Variants in RABGAP1 observed in about 807,000 individuals in gnomAD.
RABGAP1 encodes RAB GTPase activating protein 1.
Under a neutral mutation model 137.6 loss-of-function variants are expected in RABGAP1, and 23 were observed. That is an observed-to-expected ratio of 0.17 (90% confidence interval 0.12 to 0.24). RABGAP1 has a LOEUF of 0.24. RABGAP1 is among the 10% of genes least tolerant of loss of function. The pLI is 1.00. For synonymous variants in RABGAP1, 451 were observed against 450.7 expected (o/e 1.00, Z -0.01); for missense variants, 906 against 1,275.8 (o/e 0.71, Z 4.42).
At position 122,941,711 on chromosome 9, in the gene RABGAP1, G is replaced by C. The variant is rs117113554; in HGVS notation, c.-50+618G>C. ...GCAGCTACCCCAGTACCTCATCGCT[G>C]TGTCTTTTGATTATCCGCACCCTTA... On this transcript the variant is annotated intron_variant, in intron 1 of 25. Transcript: ENST00000373647. Among the ~76,000 whole-genome samples the C allele has an allele frequency of 1.6e-3, 247 of 152,344 alleles. 9 individuals carry two copies. The East Asian group carries it at 0.046, about 28-fold the overall frequency.
At chr9:123,013,876 T>G (rs536180409) in intron 11 of RABGAP1, among the ~76,000 whole-genome samples, 1 of 152,290 alleles carries the variant, frequency 6.6e-6, no homozygotes, top group South Asian at 2.1e-4. Context: ...AAACTTTGTT[T>G]AGGCAAGTTA....
At chr9:122,934,320 C>T in the RABGAP1 span, among the ~76,000 whole-genome samples, 664 of 152,018 alleles carry the variant, frequency 4.4e-3, 2 homozygotes, top group Non-Finnish European at 7.0e-3. Context: ...CCTCATGATC[C>T]GCCCACCTCA....
At chr9:123,038,634 T>A (rs1027876634) in intron 13 of RABGAP1, among the ~76,000 whole-genome samples, 2 of 152,128 alleles carry the variant, frequency 1.3e-5, no homozygotes, top group African/African-American at 4.8e-5. Flanking sequence ...AATTTAAGAA[T>A]GGGAAAACTG....
chr9:122,943,918 A>G (rs1240689315), intron 1 of RABGAP1, among the ~76,000 whole-genome samples: 2 of 151,464 alleles, frequency 1.3e-5, no homozygotes, highest in Non-Finnish European at 2.9e-5. Context: ...GCACCACTGC[A>G]CTCCAGCCTG....
intron 13 of RABGAP1, among the ~76,000 whole-genome samples, chr9:123,021,401 G>T (rs1007795464): frequency 1.5e-5 from 2 of 134,902 alleles, no homozygotes; most frequent in Non-Finnish European, 3.0e-5. Context: ...TAGGCTCACC[G>T]CAACCTCTGC....
intron 21 of RABGAP1, among the ~76,000 whole-genome samples, chr9:123,097,066 A>T (rs2035207026): frequency 6.6e-6 from 1 of 152,194 alleles, no homozygotes; most frequent in African/African-American, 2.4e-5. Flanking sequence ...CTTCTCTAAT[A>T]TGGTATAGTC....
chr9:123,090,022 G>A (rs1435409249), intron 20 of RABGAP1, among the ~76,000 whole-genome samples, 172 bp downstream of exon 20: 5 of 152,174 alleles, frequency 3.3e-5, no homozygotes, highest in Non-Finnish European at 7.3e-5. Context: ...CAGCTGCCTG[G>A]TTTGTTACAG....
intron 19 of RABGAP1, among the ~76,000 whole-genome samples, chr9:123,079,065 CCTCA>C (rs150677880): frequency 1.3e-3 from 195 of 152,196 alleles, no homozygotes; most frequent in African/African-American, 4.6e-3. Context: ...TACGGATTTT[CCTCA>C]CTGAGATATT....
Position 123,089,809 on chromosome 9 carries a change from G to A in RABGAP1, c.2476G>A (p.Glu826Lys). 6.2e-7 allele frequency: 1 copy of A among 1,613,874 alleles called. No individual in the cohort carries two copies. The stretch of plus-strand genomic sequence containing the variant: ...CGAGAAAGAATATCACACCATGAGG[G>A]AACAGCAGGCCCAGCAAGAAGACCC... ...KYEKEYHTMR[E>K]QQAQQEDPIE... Residue 826 changes from glutamate to lysine, a missense_variant, in exon 20 of 26, where the codon GAA becomes AAA. Coordinates refer to ENST00000373647, the MANE Select transcript of RABGAP1 (RefSeq NM_012197.4).
chr9:122,958,651 C>G (rs940258151), intron 2 of RABGAP1, among the ~76,000 whole-genome samples: 1 of 151,928 alleles, frequency 6.6e-6, no homozygotes, highest in African/African-American at 2.4e-5. Context: ...TGTAACAAAC[C>G]TGCACATTGT....
chr9:122,989,811 A>G (rs1836569150), intron 5 of RABGAP1: 2 of 509,636 alleles, frequency 3.9e-6, no homozygotes, highest in East Asian at 3.3e-5. Flanking sequence ...GATAGTTTCT[A>G]ACAATTTAGG....
chr9:122,964,075 C>T (rs998564093), intron 2 of RABGAP1, among the ~76,000 whole-genome samples: 4 of 152,082 alleles, frequency 2.6e-5, no homozygotes, highest in African/African-American at 7.2e-5. Flanking sequence ...AATTAGTAAT[C>T]AAAAAAGTAC....
At chr9:122,997,114 C>T in intron 8 of RABGAP1, 145 bp from the exon 9 acceptor site, 1 of 622,398 alleles carries the variant, frequency 1.6e-6, no homozygotes, top group Non-Finnish European at 2.8e-6. Flanking sequence ...ACATTTTTTA[C>T]CATAAATGTA....
At chr9:122,977,063 T>C (rs765284572) in intron 2 of RABGAP1, among the ~76,000 whole-genome samples, 8 of 152,222 alleles carry the variant, frequency 5.3e-5, no homozygotes, top group Non-Finnish European at 7.3e-5. Context: ...TAATAGGATA[T>C]ACTTATGAAT....
In RABGAP1 at chr9:122,984,564, C is replaced by A; in HGVS notation, c.230C>A (p.Pro77Gln). 6.2e-7 allele frequency: 1 copy of A among 1,614,078 alleles called. No homozygotes were observed. The highest frequency in any genetic ancestry group is 8.5e-7 in the Non-Finnish European group (1 of 1,180,018). ...ATGGATCCTCCAATGGACGACCAGC[C>A]AGGGGAAAAGGAGCTTGTGAAAAGG... The part of the protein sequence containing the change: ...VLMDPPMDDQ[P>Q]GEKELVKRSQ... Residue 77 changes from proline (P) to glutamine (Q), a missense_variant, in exon 3 of 26, where the codon CCA becomes CAA. By Grantham distance (76) the Pro-to-Gln change is moderately conservative. Around this residue, in one of 9 missense-constraint regions of RABGAP1, gnomAD observed 331 missense variants for 358.3 expected, o/e 0.92. Coordinates refer to ENST00000373647, the MANE Select transcript of RABGAP1 (RefSeq NM_012197.4).
At chr9:123,021,907 G>A (rs1468430801) in intron 13 of RABGAP1, among the ~76,000 whole-genome samples, 1 of 152,202 alleles carries the variant, frequency 6.6e-6, no homozygotes, top group East Asian at 1.9e-4. Flanking sequence ...ATCAAAAGAA[G>A]TTAACAGTTC....
In RABGAP1 at chr9:122,990,123, C is replaced by A. The variant is rs755090106; in HGVS notation, c.833C>A (p.Ala278Asp). Residue 278 changes from alanine to aspartate, a missense_variant, in exon 6 of 26, where the codon GCC becomes GAC. Around this residue, in one of 9 missense-constraint regions of RABGAP1, gnomAD observed 331 missense variants for 358.3 expected, o/e 0.92. Coordinates refer to ENST00000373647, the MANE Select transcript of RABGAP1 (RefSeq NM_012197.4). ...RRSAKQTPLSATAAPQTPDSD... is the reference protein window; with the variant it reads ...RRSAKQTPLSDTAAPQTPDSD... ...TCTGCCAAGCAGACCCCACTTTCAG[C>A]CACTGCTGCACCCCAGACTCCTGAC... 2 of 1,610,512 alleles carry A rather than the reference C, an allele frequency of 1.2e-6. No individual in the cohort carries two copies. Among genetic ancestry groups the A allele is most frequent in the Admixed American group, 3.3e-5 (2 of 59,998 alleles).
chr9:123,039,041 G>A (rs746022586), intron 13 of RABGAP1, among the ~76,000 whole-genome samples: 1 of 152,098 alleles, frequency 6.6e-6, no homozygotes, highest in African/African-American at 2.4e-5. Flanking sequence ...GATAATAGAT[G>A]TGAAAGTACT....
chr9:122,967,390 G>A (rs1835217827), intron 2 of RABGAP1, among the ~76,000 whole-genome samples: 1 of 152,168 alleles, frequency 6.6e-6, no homozygotes, highest in South Asian at 2.1e-4. Flanking sequence ...TTTATTGAAT[G>A]ATTGTAGGAT....
Sources: allele counts gnomAD v4.1 joint callset (sites outside exome capture counted in the v4.1 genomes callset), GRCh38; gene constraint gnomAD v4.1.1; regional missense constraint gnomAD v4.1.1; transcripts MANE v1.5; gene names NCBI Gene and HGNC (gene_info 2026-07-23, HGNC 2026-07-21).